Variants in XKR4 observed in about 807,000 individuals in gnomAD.
XKR4 encodes XK related 4.
XKR4 carries 12 observed loss-of-function variants against 53.9 expected under a neutral mutation model. The observed-to-expected ratio is 0.22, with a 90% CI of 0.14 to 0.36. XKR4 has a LOEUF of 0.36. Ranked by LOEUF, XKR4 falls within the 10% of genes least tolerant of loss-of-function variation. The pLI, the probability that XKR4 is intolerant of heterozygous loss-of-function variation, is 1.00. For synonymous variants in XKR4, 354 were observed against 362.4 expected, an observed-to-expected ratio of 0.98 and a Z score of 0.26; for missense variants, 799 against 859.5, an observed-to-expected ratio of 0.93 and a Z score of 0.88.
chr8:55,300,958 T>C (rs1161089243), intron 1 of XKR4, among the ~76,000 whole-genome samples: 1 of 152,160 alleles, frequency 6.6e-6, no homozygotes, highest in Admixed American at 6.5e-5. Flanking sequence ...AACTGGTGTT[T>C]CTCACTGTTC....
At chr8:55,452,180 G>C in intron 2 of XKR4, 1 of 725,400 alleles carries the variant, frequency 1.4e-6, no homozygotes, top group Non-Finnish European at 2.4e-6. Context: ...GCTCGGCACT[G>C]TCAGACCCCA....
chr8:55,498,641 C>T (rs145149613), intron 2 of XKR4, among the ~76,000 whole-genome samples: 7 of 152,206 alleles, frequency 4.6e-5, no homozygotes, highest in South Asian at 2.1e-4. Flanking sequence ...GGGCCAGTAG[C>T]GTGTACCTGT....
intron 1 of XKR4, among the ~76,000 whole-genome samples, chr8:55,283,052 C>T (rs1350435541): frequency 6.6e-6 from 1 of 152,132 alleles, no homozygotes; most frequent in Non-Finnish European, 1.5e-5. Flanking sequence ...ACATGCTGTA[C>T]AGGTGTGTAG....
chr8:55,217,738 TTAGATAGA>T (rs71256520), intron 1 of XKR4, among the ~76,000 whole-genome samples: 16,621 of 149,266 alleles, frequency 0.11, 1,042 homozygotes, highest in Admixed American at 0.17. Flanking sequence ...GGAAGACAGA[TTAGATAGA>T]TAGATAGATA....
rs538826121 is a variant in XKR4, at chr8:55,530,797, A to G, written c.*6570A>G. 2 of 152,362 alleles carry G rather than the reference A, an allele frequency of 1.3e-5. No homozygotes were observed. The highest frequency in any genetic ancestry group is 4.1e-4 in the South Asian group (2 of 4,826). The allele number at this position is 152,362 out of a possible 1,614,324, so 9.4% of individuals were successfully genotyped here. Reference sequence around the variant, plus strand: ...GTATTGCTTTATCACTTTATTTTATAGATGAGACAACTGAGATCCAAAAAG... The same window carrying G: ...GTATTGCTTTATCACTTTATTTTATGGATGAGACAACTGAGATCCAAAAAG... On this transcript the variant is annotated 3_prime_UTR_variant, in exon 3 of 3. Coordinates refer to ENST00000327381, the MANE Select transcript of XKR4 (RefSeq NM_052898.2).
chr8:55,298,012 C>A (rs1409354902), intron 1 of XKR4, among the ~76,000 whole-genome samples: 1 of 152,144 alleles, frequency 6.6e-6, no homozygotes, highest in Non-Finnish European at 1.5e-5. Context: ...TTTTTCTAAA[C>A]ATTGCATATG....
At chr8:55,366,076 G>C (rs1563333711) in intron 2 of XKR4, among the ~76,000 whole-genome samples, 2 of 152,234 alleles carry the variant, frequency 1.3e-5, no homozygotes, top group East Asian at 3.9e-4. Flanking sequence ...GCAGCGGCTG[G>C]CTGGAGACAG....
At chr8:55,409,658 T>TA (rs1563343241) in intron 2 of XKR4, among the ~76,000 whole-genome samples, 2 of 152,084 alleles carry the variant, frequency 1.3e-5, no homozygotes, top group Non-Finnish European at 2.9e-5. Context: ...AAATTGGGGA[T>TA]AAAGGAATGA....
At chr8:55,355,546 C>T (rs182301327) in intron 1 of XKR4, among the ~76,000 whole-genome samples, 1 of 152,164 alleles carries the variant, frequency 6.6e-6, no homozygotes, top group Admixed American at 6.5e-5. Flanking sequence ...GGATGCAGAA[C>T]AGCCGATATC....
intron 2 of XKR4, among the ~76,000 whole-genome samples, chr8:55,433,587 C>T (rs1805132139): frequency 6.6e-6 from 1 of 152,186 alleles, no homozygotes; most frequent in South Asian, 2.1e-4. Context: ...GCATTGTCAC[C>T]TCTTCAAAGG....
At chr8:55,416,703 T>G (rs1315880682) in intron 2 of XKR4, among the ~76,000 whole-genome samples, 1 of 152,218 alleles carries the variant, frequency 6.6e-6, no homozygotes, top group Non-Finnish European at 1.5e-5. Flanking sequence ...TCAGCTCATT[T>G]CCATCAATGG....
chr8:55,151,101 TTTTA>T (rs1341247278), intron 1 of XKR4, among the ~76,000 whole-genome samples: 1 of 152,228 alleles, frequency 6.6e-6, no homozygotes, highest in Non-Finnish European at 1.5e-5. Flanking sequence ...TAAGATTGTC[TTTTA>T]TTTATCATCT....
chr8:55,414,818 A>G (rs1049916079), intron 2 of XKR4, among the ~76,000 whole-genome samples: 6 of 152,202 alleles, frequency 3.9e-5, no homozygotes, highest in African/African-American at 1.2e-4. Context: ...GAAAGAGGAC[A>G]AGAGTGCTGT....
At chr8:55,407,055 T>A (rs535826356) in intron 2 of XKR4, among the ~76,000 whole-genome samples, 7 of 152,288 alleles carry the variant, frequency 4.6e-5, no homozygotes, top group African/African-American at 1.7e-4. Flanking sequence ...AGGACAGCGA[T>A]CCTTCTTTTT....
At chr8:55,495,500 C>T (rs10111423) in intron 2 of XKR4, among the ~76,000 whole-genome samples, 1 of 152,216 alleles carries the variant, frequency 6.6e-6, no homozygotes, top group Non-Finnish European at 1.5e-5. Flanking sequence ...CCCTCTCTAC[C>T]CATTCCTCCG....
chr8:55,370,769 AT>A (rs1164266218), intron 2 of XKR4, among the ~76,000 whole-genome samples: 1 of 152,152 alleles, frequency 6.6e-6, no homozygotes, highest in Non-Finnish European at 1.5e-5. Flanking sequence ...TTCCGTCGAG[AT>A]GCAAAAACAA....
chr8:55,323,398 C>T (rs770353891), intron 1 of XKR4, among the ~76,000 whole-genome samples: 2 of 152,278 alleles, frequency 1.3e-5, no homozygotes, highest in South Asian at 4.1e-4. Flanking sequence ...GTTTTTTTCT[C>T]TCTATAGTTT....
intron 1 of XKR4, among the ~76,000 whole-genome samples, chr8:55,335,366 A>G (rs965937093): frequency 6.6e-6 from 1 of 152,200 alleles, no homozygotes; most frequent in South Asian, 2.1e-4. Flanking sequence ...AAAAATCTTT[A>G]TGTGAATTAG....
At chr8:55,157,839 G>A (rs1816928817) in intron 1 of XKR4, among the ~76,000 whole-genome samples, 1 of 151,928 alleles carries the variant, frequency 6.6e-6, no homozygotes, top group South Asian at 2.1e-4. Context: ...CCATGTTGCT[G>A]CAAAGGACAT....
Sources: allele counts gnomAD v4.1 joint callset (sites outside exome capture counted in the v4.1 genomes callset), GRCh38; gene constraint gnomAD v4.1.1; transcripts MANE v1.5; gene names NCBI Gene and HGNC (gene_info 2026-07-23, HGNC 2026-07-21).